CDH9: variants seen among roughly 807,000 people sequenced by gnomAD.
CDH9 encodes the protein cadherin-9.
A neutral mutation model predicts 70.9 loss-of-function variants in CDH9; 28 were observed. The ratio of observed to expected loss-of-function variants is 0.40; its 90% CI spans 0.29 to 0.54. CDH9 has a LOEUF of 0.54. Among genes scored for constraint, CDH9 ranks in the 20% least tolerant of loss-of-function variants. The pLI is 0.59. For synonymous variants in CDH9, 409 were observed against 343.1 expected (o/e 1.19, Z -2.12); for missense variants, 874 against 984.4 (o/e 0.89, Z 1.50).
intron 2 of CDH9, among the ~76,000 whole-genome samples, chr5:26,936,733 T>C (rs1194623301): frequency 6.6e-6 from 1 of 151,994 alleles, no homozygotes; most frequent in Non-Finnish European, 1.5e-5. Flanking sequence ...CCCAGAAATA[T>C]ACTCAAACAA....
chr5:27,032,541 T>C (rs1743326149), intron 1 of CDH9, among the ~76,000 whole-genome samples: 1 of 151,708 alleles, frequency 6.6e-6, no homozygotes, highest in Non-Finnish European at 1.5e-5. Context: ...AGAAAACTAT[T>C]TTCTCTCTTC....
At chr5:26,967,492 A>G (rs1349521739) in intron 2 of CDH9, among the ~76,000 whole-genome samples, 1 of 152,148 alleles carries the variant, frequency 6.6e-6, no homozygotes, top group Non-Finnish European at 1.5e-5. Context: ...GAAGTTATTT[A>G]ATTACTGTAA....
intron 6 of CDH9, 49 bp from the exon 7 acceptor site, chr5:26,902,778 C>A (rs1253476248): frequency 9.0e-7 from 1 of 1,113,444 alleles, no homozygotes. Flanking sequence ...GAAGATATGA[C>A]AATGAAAGAC....
intron 3 of CDH9, among the ~76,000 whole-genome samples, chr5:26,915,052 A>G (rs748755604): frequency 6.6e-6 from 1 of 151,976 alleles, no homozygotes; most frequent in Non-Finnish European, 1.5e-5. Context: ...CAGTGGTAGA[A>G]TGTGCACAAA....
intron 2 of CDH9, among the ~76,000 whole-genome samples, chr5:26,919,689 G>C (rs530137220): frequency 1.5e-3 from 235 of 152,106 alleles, no homozygotes; most frequent in African/African-American, 4.0e-3. Flanking sequence ...ATAGGAGGTG[G>C]GAGGGGAAAG....
intron 2 of CDH9, among the ~76,000 whole-genome samples, chr5:26,972,238 C>A (rs115320500): frequency 1.3e-5 from 2 of 152,060 alleles, no homozygotes; most frequent in Non-Finnish European, 1.5e-5. Flanking sequence ...AGAAAGTCAA[C>A]TGGAAACATT....
chr5:26,955,646 T>C (rs1396444404), intron 2 of CDH9, among the ~76,000 whole-genome samples: 1 of 151,954 alleles, frequency 6.6e-6, no homozygotes, highest in Non-Finnish European at 1.5e-5. Context: ...TGACTACCAA[T>C]ATCAATTCCC....
intron 1 of CDH9, among the ~76,000 whole-genome samples, chr5:27,012,261 G>T (rs1029959357): frequency 6.6e-6 from 1 of 151,642 alleles, no homozygotes; most frequent in African/African-American, 2.4e-5. Flanking sequence ...GTTTTTATTT[G>T]TGTTATTATT....
At chr5:26,997,110 T>C (rs986430848) in intron 1 of CDH9, among the ~76,000 whole-genome samples, 1 of 152,116 alleles carries the variant, frequency 6.6e-6, no homozygotes, top group African/African-American at 2.4e-5. Flanking sequence ...ATATGATATG[T>C]ATAGAATATA....
At chr5:26,903,472 A>G (rs1319189929) in intron 6 of CDH9, 165 bp downstream of exon 6, 2 of 711,492 alleles carry the variant, frequency 2.8e-6, no homozygotes, top group East Asian at 2.6e-5. Flanking sequence ...TTATGAAGAC[A>G]TTTAACTTGC....
At chr5:26,983,218 A>C (rs1007783332) in intron 2 of CDH9, among the ~76,000 whole-genome samples, 1 of 152,166 alleles carries the variant, frequency 6.6e-6, no homozygotes, top group African/African-American at 2.4e-5. Flanking sequence ...AAGAAATATC[A>C]TGTTGACTAG....
intron 7 of CDH9, among the ~76,000 whole-genome samples, chr5:26,893,005 C>T (rs1245962170): frequency 2.0e-5 from 3 of 152,200 alleles, no homozygotes; most frequent in Non-Finnish European, 4.4e-5. Flanking sequence ...AGTGCTAGGA[C>T]TACAGGCGTG....
intron 11 of CDH9, among the ~76,000 whole-genome samples, chr5:26,884,170 A>C (rs1354438322): frequency 6.6e-6 from 1 of 152,118 alleles, no homozygotes; most frequent in Non-Finnish European, 1.5e-5. Flanking sequence ...AAGGTGGCTG[A>C]CTGCAGAACA....
intron 1 of CDH9, among the ~76,000 whole-genome samples, chr5:27,002,544 G>T (rs1158713459): frequency 6.6e-6 from 1 of 152,212 alleles, no homozygotes; most frequent in Admixed American, 6.5e-5. Flanking sequence ...TGATAGACTG[G>T]ATTAAGAAAA....
chr5:26,924,578 T>C (rs1381761226), intron 2 of CDH9, among the ~76,000 whole-genome samples: 1 of 150,046 alleles, frequency 6.7e-6, no homozygotes, highest in Non-Finnish European at 1.5e-5. Context: ...CTTTCAGTTC[T>C]AGAGTACATG....
intron 1 of CDH9, among the ~76,000 whole-genome samples, chr5:27,025,681 T>C (rs1173367513): frequency 2.6e-5 from 4 of 152,014 alleles, no homozygotes; most frequent in African/African-American, 7.2e-5. Context: ...ATGGAAAATG[T>C]TCAAGATAAA....
chr5:26,915,294 C>A (rs1741129460), intron 3 of CDH9, among the ~76,000 whole-genome samples: 2 of 151,976 alleles, frequency 1.3e-5, no homozygotes, highest in Admixed American at 1.3e-4. Context: ...GCAAAATTGT[C>A]CAAAACTGCT....
intron 2 of CDH9, among the ~76,000 whole-genome samples, chr5:26,937,145 A>G (rs1294773333): frequency 6.9e-6 from 1 of 144,940 alleles, no homozygotes; most frequent in Non-Finnish European, 1.5e-5. Flanking sequence ...ATGTGGCAAA[A>G]GACTTGTATC....
chr5:26,932,047 A>G (rs2112024974), intron 2 of CDH9, among the ~76,000 whole-genome samples: 1 of 152,304 alleles, frequency 6.6e-6, no homozygotes, highest in Non-Finnish European at 1.5e-5. Context: ...TTTTAGATAA[A>G]ATATTTGTAT....
Sources: gnomAD v4.1 joint callset for allele counts (sites outside exome capture counted in the v4.1 genomes callset) on GRCh38, gnomAD v4.1.1 for gene constraint, MANE v1.5 for transcripts, NCBI Gene and HGNC (gene_info 2026-07-23, HGNC 2026-07-21) for gene names.